The following VN1R4 variants were observed in gnomAD, a reference collection of about 807,000 sequenced individuals.
VN1R4 encodes the protein vomeronasal 1 receptor 4.
For missense variants in VN1R4, 291 were observed against 364.2 expected (o/e 0.80, Z 1.64); for synonymous variants, 97 against 138.8 (o/e 0.70, Z 2.12).
chr19:53,267,455 C>T (rs201484451), exon 1 of VN1R4: 41 of 1,613,990 alleles, frequency 2.5e-5, no homozygotes, highest in Admixed American at 1.8e-4. Flanking sequence ...AAATATCTAA[C>T]CCCAAAAGCT....
chr19:53,267,655 C>G (rs777749940), exon 1 of VN1R4: 1 of 1,588,494 alleles, frequency 6.3e-7, no homozygotes, highest in South Asian at 1.2e-5. Context: ...TGCCACATAC[C>G]GGGAGGCCAT....
exon 1 of VN1R4, chr19:53,266,751 G>C: frequency 1.3e-6 from 2 of 1,592,770 alleles, no homozygotes; most frequent in Non-Finnish European, 1.7e-6. Context: ...ATGAGGTTAG[G>C]AGATCTTGTC....
chr19:53,267,058 A>C (rs1370800478), exon 1 of VN1R4: 1 of 1,612,970 alleles, frequency 6.2e-7, no homozygotes, highest in South Asian at 1.1e-5. Flanking sequence ...CAGTATGCAA[A>C]CCATGGAGCT....
At chr19:53,267,264 G>C (rs755463326) in exon 1 of VN1R4, 28 of 1,613,004 alleles carry the variant, frequency 1.7e-5, no homozygotes, top group Non-Finnish European at 2.3e-5. Flanking sequence ...ACACGATCCA[G>C]CACAGGAGAA....
At chr19:53,267,376 G>A (rs1243178580) in exon 1 of VN1R4, 1 of 1,613,632 alleles carries the variant, frequency 6.2e-7, no homozygotes, top group African/African-American at 1.3e-5. Flanking sequence ...GAGGCAGGTG[G>A]TGCCAATGGA....
At chr19:53,266,783 A>G (rs1555813418) in exon 1 of VN1R4, 22 of 1,602,988 alleles carry the variant, frequency 1.4e-5, no homozygotes, top group Non-Finnish European at 1.9e-5. Context: ...GCAAAACAAA[A>G]CCTGTATACA....
chr19:53,267,328 T>A, exon 1 of VN1R4: 1 of 1,614,122 alleles, frequency 6.2e-7, no homozygotes, highest in Non-Finnish European at 8.5e-7. Context: ...CCACCTGGAT[T>A]TCCTGGAGCT....
At position 53,266,970 on chromosome 19, in the gene VN1R4, C is replaced by T. The variant is rs146684358; in HGVS notation, c.696G>A (p.Thr232=). ...TGCTCACCAGGATGAGGATGCTCTG[C>T]GTAGCTCTGTTCTCTGGGGAGGCTC... Residue 232 remains threonine, a synonymous_variant, in exon 1 of 1, where the codon ACG becomes ACA. Transcript: ENST00000311170. 132 of 1,609,052 alleles carry T rather than the reference C, an allele frequency of 8.2e-5. No homozygotes were observed. The African/African-American group carries it at 1.2e-3, about 14-fold the overall frequency.
At chr19:53,267,136 T>C (rs1360478039) in exon 1 of VN1R4, 1 of 1,611,544 alleles carries the variant, frequency 6.2e-7, no homozygotes, top group African/African-American at 1.3e-5. Context: ...ACGCAGTGTC[T>C]GTGCGATTTT....
At chr19:53,267,323 T>C in exon 1 of VN1R4, 1 of 1,614,150 alleles carries the variant, frequency 6.2e-7, no homozygotes, top group Non-Finnish European at 8.5e-7. Flanking sequence ...TTTGCCCACC[T>C]GGATTTCCTG....
chr19:53,266,770 C>T, the VN1R4 span: 5 of 1,600,160 alleles, frequency 3.1e-6, no homozygotes, highest in Non-Finnish European at 4.3e-6. Flanking sequence ...TCATCTTTTC[C>T]AGGCAAAACA....
chr19:53,266,797 G>C (rs1390549509), exon 1 of VN1R4: 6 of 1,613,346 alleles, frequency 3.7e-6, no homozygotes, highest in Non-Finnish European at 5.1e-6. Context: ...GTATACACTG[G>C]GGTCACAGCT....
chr19:53,267,678 G>A (rs561039144), exon 1 of VN1R4: 15 of 1,563,556 alleles, frequency 9.6e-6, no homozygotes. Context: ...TGCCACTGAT[G>A]TCTGTCACTG....
At chr19:53,267,299 C>T (rs745568730) in exon 1 of VN1R4, 2 of 1,614,064 alleles carry the variant, frequency 1.2e-6, no homozygotes, top group Admixed American at 1.7e-5. Flanking sequence ...TGCTTGGGGG[C>T]TTTCTCTTTA....
chr19:53,267,659 A>G, exon 1 of VN1R4: 2 of 1,585,044 alleles, frequency 1.3e-6, no homozygotes, highest in Non-Finnish European at 8.6e-7. Context: ...ACATACCGGG[A>G]GGCCATTCTG....
exon 1 of VN1R4, chr19:53,267,707 G>A (rs1268114282): frequency 4.0e-6 from 6 of 1,506,650 alleles, no homozygotes; most frequent in Middle Eastern, 1.8e-4. Flanking sequence ...CTTCAGGGCT[G>A]GGAGGTCCTG....
chr19:53,267,183 G>C, exon 1 of VN1R4: 1 of 1,611,208 alleles, frequency 6.2e-7, no homozygotes, highest in Non-Finnish European at 8.5e-7. Context: ...CCAAATCCTC[G>C]TTCACTGTGA....
rs765957527 is a variant in VN1R4, at chr19:53,267,537, A to C, written c.129T>G (p.Asp43Glu). 5 of 1,614,042 alleles carry C rather than the reference A, an allele frequency of 3.1e-6. No individual in the cohort carries two copies. The South Asian group carries it at 5.5e-5, about 18-fold the overall frequency. ...CTACAATCAGGTGCTTAACAATCAA[A>C]TCTGTGGACCTTAACCTGCACCCAG... The change falls in exon 1 of 1, where the codon GAT (aspartate) becomes GAG (glutamate). Residue 43 changes from aspartate (D) to glutamate (E), a missense_variant. Physicochemically the swap from Asp to Glu is conservative, Grantham distance 45. Transcript: ENST00000311170.
At chr19:53,267,394 C>T (rs2091355375) in exon 1 of VN1R4, 2 of 1,613,914 alleles carry the variant, frequency 1.2e-6, no homozygotes, top group South Asian at 2.2e-5. Context: ...GGACACTCCC[C>T]TGCCCACTCT....
Sources: gnomAD v4.1 joint callset for allele counts on GRCh38, gnomAD v4.1.1 for gene constraint, MANE v1.5 for transcripts, NCBI Gene and HGNC (gene_info 2026-07-23, HGNC 2026-07-21) for gene names.